ATP10D: variants seen among roughly 807,000 people sequenced by gnomAD.
The protein encoded by ATP10D is ATPase phospholipid transporting 10D (putative).
In ATP10D, 89 loss-of-function variants were observed where a neutral mutation model predicts 144.8. The ratio of observed to expected loss-of-function variants is 0.61; its 90% CI spans 0.52 to 0.73. ATP10D has a LOEUF of 0.73. Ranked by LOEUF, ATP10D falls within the 30% of genes least tolerant of loss-of-function variation. ATP10D has a pLI of 0.00. For synonymous variants in ATP10D, 571 were observed against 615.1 expected, an observed-to-expected ratio of 0.93 and a Z score of 1.06; for missense variants, 1,603 against 1,714.8, an observed-to-expected ratio of 0.93 and a Z score of 1.15.
intron 1 of ATP10D, among the ~76,000 whole-genome samples, chr4:47,509,538 T>A (rs1716202315): frequency 6.6e-6 from 1 of 152,222 alleles, no homozygotes; most frequent in Admixed American, 6.5e-5. Flanking sequence ...CACATACTTT[T>A]TATTGTGGTG....
At chr4:47,562,831 T>C (rs756895319) in intron 14 of ATP10D, among the ~76,000 whole-genome samples, 77 of 146,138 alleles carry the variant, frequency 5.3e-4, no homozygotes, top group Non-Finnish European at 8.8e-4. Flanking sequence ...AAATGTGATA[T>C]AATATATATA....
intron 5 of ATP10D, among the ~76,000 whole-genome samples, 183 bp downstream of exon 5, chr4:47,525,825 A>G (rs1295724813): frequency 6.6e-6 from 1 of 152,284 alleles, no homozygotes; most frequent in Non-Finnish European, 1.5e-5. Flanking sequence ...ACACACACAC[A>G]TACACATATA....
chr4:47,584,990 G>C (rs1720716269), intron 21 of ATP10D, among the ~76,000 whole-genome samples: 1 of 152,076 alleles, frequency 6.6e-6, no homozygotes, highest in Admixed American at 6.6e-5. Flanking sequence ...AATAAAAGCA[G>C]TGTTTCCCTA....
intron 9 of ATP10D, among the ~76,000 whole-genome samples, chr4:47,545,809 A>G (rs530595834): frequency 6.6e-6 from 1 of 152,288 alleles, no homozygotes; most frequent in Admixed American, 6.5e-5. Context: ...ATATGTGTAG[A>G]TGGTGGTAGG....
intron 22 of ATP10D, among the ~76,000 whole-genome samples, chr4:47,589,472 A>G (rs576633970): frequency 2.6e-5 from 4 of 152,244 alleles, no homozygotes; most frequent in Middle Eastern, 6.8e-3. Context: ...ATTCTCCTAG[A>G]CTTCCTTACA....
chr4:47,523,672 C>A (rs559143130), intron 4 of ATP10D, among the ~76,000 whole-genome samples: 1 of 152,304 alleles, frequency 6.6e-6, no homozygotes, highest in South Asian at 2.1e-4. Context: ...AATCACAACT[C>A]TGCTATTAAT....
intron 1 of ATP10D, among the ~76,000 whole-genome samples, chr4:47,497,489 G>C (rs5026454): frequency 0.19 from 28,247 of 151,920 alleles, 3,459 homozygotes; most frequent in East Asian, 0.65. Context: ...TGTAATAATG[G>C]AACTTGTTAG....
intron 10 of ATP10D, among the ~76,000 whole-genome samples, chr4:47,554,278 G>A (rs1718865754): frequency 6.6e-6 from 1 of 152,170 alleles, no homozygotes; most frequent in South Asian, 2.1e-4. Context: ...TACAATAGCA[G>A]TAACTTGAAC....
intron 18 of ATP10D, among the ~76,000 whole-genome samples, chr4:47,575,239 A>AT (rs1720167060): frequency 6.6e-6 from 1 of 152,208 alleles, no homozygotes; most frequent in African/African-American, 2.4e-5. Context: ...CAAAGAATCA[A>AT]TTAGAAGTAT....
At position 47,591,212 on chromosome 4, in the gene ATP10D, C is replaced by T; in HGVS notation, c.4112C>T (p.Ser1371Leu). Residue 1371 changes from serine to leucine, a missense_variant, in exon 23 of 23, where the codon TCA becomes TTA. Transcript: ENST00000273859. ...TATGCTAACCAATCAGCTGGCAAGT[C>T]AGGAAGAAGACCCATGCCTGGCCCT... ...SKYANQSAGKSGRRPMPGPSA... is the reference protein window; with the variant it reads ...SKYANQSAGKLGRRPMPGPSA... 6.2e-7 allele frequency: 1 copy of T among 1,613,584 alleles called. No homozygotes were observed. The highest frequency in any genetic ancestry group is 8.5e-7 in the Non-Finnish European group (1 of 1,179,614).
intron 16 of ATP10D, among the ~76,000 whole-genome samples, chr4:47,571,332 A>G (rs1008110469): frequency 6.7e-6 from 1 of 148,652 alleles, no homozygotes; most frequent in Non-Finnish European, 1.5e-5. Flanking sequence ...AATTTATATC[A>G]TGCATTATGT....
chr4:47,581,474 C>T (rs1720511052), intron 20 of ATP10D, among the ~76,000 whole-genome samples: 1 of 152,094 alleles, frequency 6.6e-6, no homozygotes, highest in Non-Finnish European at 1.5e-5. Context: ...GGCTATACTG[C>T]ACTTCAGGAG....
At chr4:47,487,076 A>C (rs942780836) in intron 1 of ATP10D, among the ~76,000 whole-genome samples, 1 of 152,042 alleles carries the variant, frequency 6.6e-6, no homozygotes, top group African/African-American at 2.4e-5. Context: ...CTAAAAATAC[A>C]AAATTGGCTG....
chr4:47,560,760 C>G lies in ATP10D; in HGVS notation c.2542-189C>G, dbSNP rs115202751. Among the ~76,000 whole-genome samples the G allele has an allele frequency of 2.2e-3, 325 of 150,080 alleles. 3 individuals carry two copies. Among genetic ancestry groups the G allele is most frequent in the Middle Eastern group, 6.8e-3 (2 of 292 alleles). The stretch of plus-strand genomic sequence containing the variant: ...AGGGTCATCCATCATCAGTGTTGCA[C>G]TAGTCTGACCACAGAGTTTGGGAAG... On this transcript the variant is annotated intron_variant, in intron 13 of 22. Coordinates refer to ENST00000273859, the MANE Select transcript of ATP10D (RefSeq NM_020453.4).
chr4:47,591,023 G>T lies in ATP10D; in HGVS notation c.3942-19G>T, dbSNP rs781021668. On this transcript the variant is annotated intron_variant, in intron 22 of 22. Coordinates refer to ENST00000273859, the MANE Select transcript of ATP10D (RefSeq NM_020453.4). The stretch of plus-strand genomic sequence containing the variant: ...CATTTGAGATGAATTTAATTCTAAT[G>T]ATGTTCCTTGTCACCTAGGTTTGTA... 6.4e-6 allele frequency: 9 copies of T among 1,406,026 alleles called. No homozygotes were observed. Among genetic ancestry groups the T allele is most frequent in the African/African-American group, 1.5e-5 (1 of 67,346 alleles). The allele number at this position is 1,406,026 out of a possible 1,614,324, so 87.1% of individuals were successfully genotyped here. A position where few individuals can be genotyped will look rare whatever the true frequency, so the allele number is the denominator to read the frequency against.
intron 21 of ATP10D, among the ~76,000 whole-genome samples, chr4:47,582,396 A>T (rs1047445431): frequency 6.6e-6 from 1 of 152,234 alleles, no homozygotes; most frequent in Admixed American, 6.5e-5. Context: ...AAGGTGTTGT[A>T]TCATAATCCT....
At chr4:47,542,903 AACTAT>A (rs1718226933) in intron 9 of ATP10D, among the ~76,000 whole-genome samples, 1 of 152,350 alleles carries the variant, frequency 6.6e-6, no homozygotes, top group South Asian at 2.1e-4. Context: ...AGCTACCTGG[AACTAT>A]ACTAATTATA....
intron 5 of ATP10D, among the ~76,000 whole-genome samples, chr4:47,532,880 A>G (rs1364684496): frequency 6.6e-6 from 1 of 152,082 alleles, no homozygotes; most frequent in Non-Finnish European, 1.5e-5. Flanking sequence ...TATTTCTAGC[A>G]TCTGGGTTGG....
chr4:47,581,963 T>C lies in ATP10D; in HGVS notation c.3652T>C (p.Tyr1218His), dbSNP rs753249993. Residue 1218 changes from tyrosine (Y) to histidine (H), a missense_variant, in exon 21 of 23, where the codon TAC (tyrosine) becomes CAC (histidine). Tyr to His is a moderately conservative substitution (Grantham distance 83, BLOSUM62 2). Coordinates refer to ENST00000273859, the MANE Select transcript of ATP10D (RefSeq NM_020453.4). ...LVCFFVPYFTYQGSDTDIFAF... is the reference protein window; with the variant it reads ...LVCFFVPYFTHQGSDTDIFAF... ...ATCTAATGTCCTCTCTTTGTAGACC[T>C]ACCAGGGCTCAGATACTGACATCTT... 1.2e-6 allele frequency: 2 copies of C among 1,613,246 alleles called. No individual in the cohort carries two copies. Among genetic ancestry groups the C allele is most frequent in the East Asian group, 4.5e-5 (2 of 44,866 alleles).
Sources: allele counts gnomAD v4.1 joint callset (sites outside exome capture counted in the v4.1 genomes callset), GRCh38; gene constraint gnomAD v4.1.1; transcripts MANE v1.5; gene names NCBI Gene and HGNC (gene_info 2026-07-23, HGNC 2026-07-21).